The following KATNA1 variants were observed in gnomAD, a reference collection of about 807,000 sequenced individuals.
KATNA1 encodes katanin p60 ATPase-containing subunit A1.
In KATNA1, 42 loss-of-function variants were observed where a neutral mutation model predicts 62.6. The observed-to-expected ratio is 0.67, with a 90% confidence interval of 0.52 to 0.87. The LOEUF is 0.87. Ranked by LOEUF, KATNA1 falls within the 40% of genes least tolerant of loss-of-function variation. The pLI is 0.00. For missense variants in KATNA1, 498 were observed against 612.5 expected, an observed-to-expected ratio of 0.81 and a Z score of 1.97; for synonymous variants, 186 against 201.9, an observed-to-expected ratio of 0.92 and a Z score of 0.67.
At chr6:149,617,890 C>T (rs1405150760) in intron 4 of KATNA1, among the ~76,000 whole-genome samples, 3 of 149,772 alleles carry the variant, frequency 2.0e-5, no homozygotes, top group Non-Finnish European at 2.9e-5. Flanking sequence ...GAGCCAAGAT[C>T]GTGCCACTGC....
Position 149,598,267 on chromosome 6 carries a change from T to C in KATNA1, c.972A>G (p.Glu324=). The C allele has an allele frequency of 1.2e-6, 2 of 1,613,976 alleles. No individual in the cohort carries two copies. Among genetic ancestry groups the C allele is most frequent in the Non-Finnish European group, 1.7e-6 (2 of 1,180,002 alleles). Reference sequence around the variant, plus strand: ...GCTCCGCTTTCACCCTTCTGCTTGCTTCATGTTCTTCAGAAGTCCCTCGGC... The same window carrying C: ...GCTCCGCTTTCACCCTTCTGCTTGCCTCATGTTCTTCAGAAGTCCCTCGGC... The part of the protein sequence containing the change: ...CSRRGTSEEH[E]ASRRVKAELL... The change falls in exon 8 of 11, where the codon GAA becomes GAG. Residue 324 remains glutamate, a synonymous_variant. Coordinates refer to ENST00000367411, the MANE Select transcript of KATNA1 (RefSeq NM_007044.4).
At chr6:149,635,073 G>A (rs999876890) in intron 2 of KATNA1, among the ~76,000 whole-genome samples, 1 of 151,444 alleles carries the variant, frequency 6.6e-6, no homozygotes, top group African/African-American at 2.4e-5. Flanking sequence ...GAATCTTGAC[G>A]CAATTTAAAA....
chr6:149,603,190 C>G (rs1038056542), intron 6 of KATNA1, 78 bp downstream of exon 6: 1 of 630,718 alleles, frequency 1.6e-6, no homozygotes, highest in African/African-American at 1.9e-5. Flanking sequence ...CCACTTTTCC[C>G]AATATAGATA....
intron 3 of KATNA1, among the ~76,000 whole-genome samples, chr6:149,630,119 G>C (rs1420914959): frequency 6.6e-6 from 1 of 152,144 alleles, no homozygotes; most frequent in Non-Finnish European, 1.5e-5. Context: ...AAGGAAACAA[G>C]CTAGGATGAC....
intron 3 of KATNA1, among the ~76,000 whole-genome samples, chr6:149,623,811 T>G (rs1187026654): frequency 3.3e-5 from 5 of 152,160 alleles, no homozygotes; most frequent in Non-Finnish European, 7.3e-5. Flanking sequence ...TGCAGTATAG[T>G]TATATTACAG....
At chr6:149,622,760 CA>C (rs1314750790) in intron 4 of KATNA1, among the ~76,000 whole-genome samples, 3 of 85,638 alleles carry the variant, frequency 3.5e-5, no homozygotes, top group Non-Finnish European at 4.3e-5. Flanking sequence ...GGAGGCCTGG[CA>C]GGGGGGCGGG....
At chr6:149,596,218 C>G (rs541823915) in intron 10 of KATNA1, among the ~76,000 whole-genome samples, 1 of 152,256 alleles carries the variant, frequency 6.6e-6, no homozygotes, top group Admixed American at 6.5e-5. Flanking sequence ...CCAACAAAAC[C>G]AGAATTTGTG....
intron 10 of KATNA1, 63 bp from the exon 11 acceptor site, chr6:149,595,297 G>T: frequency 7.4e-7 from 1 of 1,359,346 alleles, no homozygotes; most frequent in Non-Finnish European, 1.0e-6. Context: ...ATGAAAACCT[G>T]TTAATAGAAA....
rs1256105124 is a variant in KATNA1 at position 149,608,055 on chromosome 6, G to A, written c.502-3273C>T. Among the ~76,000 whole-genome samples the A allele has an allele frequency of 5.3e-5, 8 of 152,286 alleles. No individual in the cohort carries two copies. The East Asian group carries it at 9.6e-4, about 18-fold the overall frequency. ...CACTCCAGCCTGGGCGACAGAGTGA[G>A]ACTCCGTCTCAAAAAAACAAAAACA... is the stretch of plus-strand genomic sequence containing the variant. On this transcript the variant is annotated intron_variant, in intron 4 of 10. Coordinates refer to ENST00000367411, the MANE Select transcript of KATNA1 (RefSeq NM_007044.4).
Position 149,638,730 on chromosome 6 carries a change from GTTTTTTTTTTTT to G in KATNA1, c.-13-182_-13-171del, listed in dbSNP as rs1217719467. The G allele has an allele frequency of 4.0e-5, 4 of 98,898 alleles. 1 individual carries two copies. The highest frequency in any genetic ancestry group is 1.8e-5 in the Non-Finnish European group (1 of 55,246). 6.1% of individuals were successfully genotyped at this position (98,898 alleles called of 1,614,324 possible). On this transcript the variant is annotated intron_variant, in intron 1 of 10. Transcript: ENST00000367411. ...ATTTCACTCCTTTAAAAAAAACATT[GTTTTTTTTTTTT>G]TTTTTTTTTTTTGAGACGGAGTCTC...
intron 4 of KATNA1, among the ~76,000 whole-genome samples, chr6:149,615,098 A>C (rs1205808385): frequency 7.5e-6 from 1 of 132,614 alleles, no homozygotes; most frequent in Non-Finnish European, 1.5e-5. Flanking sequence ...GTGTCACTGC[A>C]CTCCAGGCTG....
intron 3 of KATNA1, among the ~76,000 whole-genome samples, chr6:149,625,772 A>G (rs1392755955): frequency 6.6e-6 from 1 of 152,098 alleles, no homozygotes; most frequent in Non-Finnish European, 1.5e-5. Context: ...CGTCTCTACT[A>G]AAAATACAAA....
At chr6:149,618,740 TTTTAATA>T (rs1779278307) in intron 4 of KATNA1, among the ~76,000 whole-genome samples, 1 of 152,158 alleles carries the variant, frequency 6.6e-6, no homozygotes, top group African/African-American at 2.4e-5. Flanking sequence ...AGTGCAGTGT[TTTTAATA>T]AGTGGTGCTG....
intron 3 of KATNA1, among the ~76,000 whole-genome samples, chr6:149,628,697 G>T (rs1779715762): frequency 6.6e-6 from 1 of 151,934 alleles, no homozygotes; most frequent in Non-Finnish European, 1.5e-5. Context: ...GCACACACCT[G>T]TAGTCCCAGC....
rs1779476002 is a variant in KATNA1, at chr6:149,623,219, G to A, written c.385C>T (p.Arg129Cys). ...TGAACTCTGACAGTTGTACTTGGAC[G>A]ATTACCATGTGATTTAGGGTCACTG... is the stretch of plus-strand genomic sequence containing the variant. ...QYSDPKSHGN[R>C]PSTTVRVHRS... Residue 129 changes from arginine (R) to cysteine (C), a missense_variant, in exon 4 of 11, where the codon CGT (arginine) becomes TGT (cysteine). Arg to Cys is a radical substitution (Grantham distance 180). This residue lies in a region of KATNA1 where 203 missense variants were observed against 198.4 expected (regional missense o/e 1.02). Coordinates refer to ENST00000367411, the MANE Select transcript of KATNA1 (RefSeq NM_007044.4). 1.8e-5 allele frequency: 29 copies of A among 1,613,666 alleles called. No individual in the cohort carries two copies. Among genetic ancestry groups the A allele is most frequent in the Non-Finnish European group, 2.3e-5 (27 of 1,179,796 alleles).
chr6:149,602,124 TGA>T (rs1283278432), intron 6 of KATNA1, among the ~76,000 whole-genome samples: 1 of 152,116 alleles, frequency 6.6e-6, no homozygotes, highest in Admixed American at 6.6e-5. Context: ...CCCAGCACTT[TGA>T]GAGGCCGAGG....
rs893824279 is a variant in KATNA1 at position 149,615,132 on chromosome 6, CAAAAAAA to C, written c.501+7964_501+7970del. 2.4e-4 allele frequency among the ~76,000 whole-genome samples: 11 copies of C among 45,644 alleles called. No individual in the cohort carries two copies. In the Admixed American group the frequency reaches 2.6e-3, roughly 11 times the overall value. The allele number at this position is 45,644 out of a possible 152,430, so 29.9% of individuals were successfully genotyped here. A position where few individuals can be genotyped will look rare whatever the true frequency, so the allele number is the denominator to read the frequency against. On this transcript the variant is annotated intron_variant, in intron 4 of 10. Transcript: ENST00000367411. ...TGGGTGACAGAGCAAGACTCTGTCTCAAAAAAAAAAAAAAAAAAAAAAACAACTAAAC... is the reference window on the plus strand; with the variant it reads ...TGGGTGACAGAGCAAGACTCTGTCTCAAAAAAAAAAAAAAAACAACTAAAC...
At chr6:149,645,597 G>C (rs1244797044) in intron 1 of KATNA1, among the ~76,000 whole-genome samples, 1 of 152,084 alleles carries the variant, frequency 6.6e-6, no homozygotes. Context: ...TGGTTACACA[G>C]ATTATTAGAG....
At chr6:149,630,560 G>A (rs1017402000) in intron 3 of KATNA1, among the ~76,000 whole-genome samples, 3 of 152,116 alleles carry the variant, frequency 2.0e-5, no homozygotes, top group Admixed American at 6.6e-5. Context: ...ACCGGGAGGC[G>A]GAGGTTGCAG....
Sources: gnomAD v4.1 joint callset for allele counts (sites outside exome capture counted in the v4.1 genomes callset) on GRCh38, gnomAD v4.1.1 for gene constraint, gnomAD v4.1.1 regional missense constraint, MANE v1.5 for transcripts, NCBI Gene and HGNC (gene_info 2026-07-23, HGNC 2026-07-21) for gene names.